Variants in CSNK1E observed in about 807,000 individuals in gnomAD.
CSNK1E encodes the protein casein kinase I isoform epsilon.
CSNK1E carries 17 observed loss-of-function variants against 46.1 expected under a neutral mutation model. The observed-to-expected ratio is 0.37, with a 90% CI of 0.25 to 0.55. The LOEUF (loss-of-function observed/expected upper bound fraction) is 0.55, where lower values mean the gene tolerates loss of function less well. Ranked by LOEUF, CSNK1E falls within the 20% of genes least tolerant of loss-of-function variation. The probability of loss-of-function intolerance (pLI) is 0.82; values close to 1 mark genes in which losing one functional copy is unlikely to be tolerated. For missense variants in CSNK1E, 386 were observed against 595.4 expected (o/e 0.65, Z 3.66); for synonymous variants, 241 against 242.6 (o/e 0.99, Z 0.06).
At chr22:38,296,853 C>T (rs1181034786) in intron 7 of CSNK1E, 6 of 764,316 alleles carry the variant, frequency 7.9e-6, no homozygotes, top group Admixed American at 2.7e-5. Context: ...CAGCTCACTC[C>T]AATCTCTGCC....
At chr22:38,316,000 A>G (rs955581760) in intron 1 of CSNK1E, among the ~76,000 whole-genome samples, 1 of 151,956 alleles carries the variant, frequency 6.6e-6, no homozygotes, top group Non-Finnish European at 1.5e-5. Context: ...GGGAGCCTAG[A>G]CTGTCCCGGC....
At chr22:38,305,550 A>G (rs1245075695) in intron 2 of CSNK1E, among the ~76,000 whole-genome samples, 2 of 152,170 alleles carry the variant, frequency 1.3e-5, no homozygotes, top group Non-Finnish European at 2.9e-5. Context: ...TATCACAGGC[A>G]AAGAGCTAAT....
chr22:38,305,081 C>T (rs889439867), intron 2 of CSNK1E, among the ~76,000 whole-genome samples: 1 of 142,794 alleles, frequency 7.0e-6, no homozygotes, highest in East Asian at 2.0e-4. Flanking sequence ...GAGATTGTGC[C>T]ATTGCACGCT....
In CSNK1E at chr22:38,309,523, C is replaced by T. The variant is rs1343593224; in HGVS notation, c.76+4559G>A. ...GGGCTGGAGTGCAGTGGCATGATCT[C>T]GGCTCACTGCAACTTCTGCCTCCCG... On this transcript the variant is annotated intron_variant, in intron 2 of 10. Coordinates refer to ENST00000396832, the MANE Select transcript of CSNK1E (RefSeq NM_152221.3). The surrounding 1 kb of genome is among the most constrained non-coding windows in gnomAD (Gnocchi z 4.8). 1.3e-5 allele frequency among the ~76,000 whole-genome samples: 2 copies of T among 151,890 alleles called. No individual in the cohort carries two copies. The highest frequency in any genetic ancestry group is 2.9e-5 in the Non-Finnish European group (2 of 67,988).
At chr22:38,315,633 G>A (rs545868486) in intron 1 of CSNK1E, among the ~76,000 whole-genome samples, 79 of 131,394 alleles carry the variant, frequency 6.0e-4, no homozygotes, top group South Asian at 2.2e-3. Flanking sequence ...CTGTTGGGGG[G>A]TAAGGGGGGG....
At position 38,300,099 on chromosome 22, in the gene CSNK1E, G is replaced by C; in HGVS notation, c.566-34C>G. On this transcript the variant is annotated intron_variant, in intron 5 of 10. Coordinates refer to ENST00000396832, the MANE Select transcript of CSNK1E (RefSeq NM_152221.3). The surrounding 1 kb of genome is among the most constrained non-coding windows in gnomAD (Gnocchi z 4.4). ...AGAGTCAAAGACTAGGTGAGGGACA[G>C]GGGTCCACTCAGGCCCCTAACTCAT... 1.2e-6 allele frequency: 2 copies of C among 1,604,524 alleles called. No individual in the cohort carries two copies. Among genetic ancestry groups the C allele is most frequent in the South Asian group, 2.2e-5 (2 of 90,716 alleles).
chr22:38,300,581 G>T lies in CSNK1E; in HGVS notation c.565+143C>A. The stretch of plus-strand genomic sequence containing the variant: ...GTGCAAGGACACGGAATAAGCACGA[G>T]CTTGGGGGCAGACGGGGTGGGGACT... On this transcript the variant is annotated intron_variant, in intron 5 of 10. Coordinates refer to ENST00000396832, the MANE Select transcript of CSNK1E (RefSeq NM_152221.3). The surrounding 1 kb of genome is among the most constrained non-coding windows in gnomAD (Gnocchi z 4.4). 1 of 776,980 alleles carries T rather than the reference G, an allele frequency of 1.3e-6. No individual in the cohort carries two copies. Among genetic ancestry groups the T allele is most frequent in the Non-Finnish European group, 2.1e-6 (1 of 483,944 alleles). The allele number at this position is 776,980 out of a possible 1,614,324, so 48.1% of individuals were successfully genotyped here. A position where few individuals can be genotyped will look rare whatever the true frequency, so the allele number is the denominator to read the frequency against.
At chr22:38,299,055 G>A in intron 6 of CSNK1E, 121 bp from the exon 7 acceptor site, 11 of 1,149,788 alleles carry the variant, frequency 9.6e-6, no homozygotes, top group Non-Finnish European at 1.3e-5. Flanking sequence ...TGAGAGGCAA[G>A]AAAAGGAGGC....
chr22:38,304,124 C>T (rs911473500), intron 2 of CSNK1E, among the ~76,000 whole-genome samples: 4 of 152,130 alleles, frequency 2.6e-5, no homozygotes, highest in African/African-American at 7.2e-5. Flanking sequence ...CTAGGCTGGG[C>T]GACAGGGTGT....
At chr22:38,311,754 C>T (rs1265174433) in intron 2 of CSNK1E, among the ~76,000 whole-genome samples, 7 of 151,898 alleles carry the variant, frequency 4.6e-5, no homozygotes, top group Admixed American at 2.0e-4. Flanking sequence ...ATGAGGAACA[C>T]GCTGGGGATC....
chr22:38,309,156 A>T lies in CSNK1E; in HGVS notation c.76+4926T>A, dbSNP rs1011317573. Among the ~76,000 whole-genome samples the T allele has an allele frequency of 1.7e-4, 26 of 152,158 alleles. No homozygotes were observed. The highest frequency in any genetic ancestry group is 1.2e-4 in the Non-Finnish European group (8 of 68,018). On this transcript the variant is annotated intron_variant, in intron 2 of 10. Transcript: ENST00000396832. This position sits in a 1 kb window ranked among gnomAD's most constrained non-coding sequence, Gnocchi z 4.8. Reference sequence around the variant, plus strand: ...CCAAAAGGTCTCCAGATCTTGACATATGTCTCCTGGGGGACAAAAATCACC... The same window carrying T: ...CCAAAAGGTCTCCAGATCTTGACATTTGTCTCCTGGGGGACAAAAATCACC...
upstream of CSNK1E, chr22:38,317,492 C>T (rs1371768084): frequency 6.7e-6 from 1 of 149,300 alleles, no homozygotes; most frequent in African/African-American, 2.5e-5. Flanking sequence ...GATGTCATCC[C>T]CGGCCCGCCG....
At chr22:38,293,760 T>G in intron 9 of CSNK1E, 1 of 389,336 alleles carries the variant, frequency 2.6e-6, no homozygotes, top group Non-Finnish European at 4.7e-6. Flanking sequence ...CTCTTGCCAA[T>G]GCTCACAGGG....
intron 2 of CSNK1E, among the ~76,000 whole-genome samples, chr22:38,308,715 G>A (rs1316192418): frequency 6.6e-6 from 1 of 152,090 alleles, no homozygotes; most frequent in African/African-American, 2.4e-5. Context: ...GAGGGGAAGA[G>A]GGAATAAGCC....
intron 2 of CSNK1E, among the ~76,000 whole-genome samples, chr22:38,305,588 GAA>G (rs2092695198): frequency 6.6e-6 from 1 of 152,096 alleles, no homozygotes; most frequent in South Asian, 2.1e-4. Flanking sequence ...AAATCAGTCA[GAA>G]AAAGACTCAG....
At chr22:38,312,837 G>A (rs980696991) in intron 2 of CSNK1E, among the ~76,000 whole-genome samples, 3 of 152,164 alleles carry the variant, frequency 2.0e-5, no homozygotes, top group African/African-American at 4.8e-5. Context: ...CGTCTAGAAC[G>A]CAGAGCTAGA....
chr22:38,299,026 C>T (rs1275740787), intron 6 of CSNK1E, 92 bp from the exon 7 acceptor site: 30 of 1,408,436 alleles, frequency 2.1e-5, no homozygotes, highest in Non-Finnish European at 2.8e-5. Flanking sequence ...ACCCACTGTC[C>T]CTAGATACTT....
rs1420421293 is a variant in CSNK1E, at chr22:38,300,511, G to A, written c.565+213C>T. On this transcript the variant is annotated intron_variant, in intron 5 of 10. Transcript: ENST00000396832. This position sits in a 1 kb window ranked among gnomAD's most constrained non-coding sequence, Gnocchi z 4.4. ...GGAGGAGGAAGCAGGGCCAGGGAAG[G>A]CGCCCGGCACACACAGCTTGGCTTA... Among the ~76,000 whole-genome samples, 3 of 152,256 alleles carry A rather than the reference G, an allele frequency of 2.0e-5. No homozygotes were observed. Among genetic ancestry groups the A allele is most frequent in the Non-Finnish European group, 2.9e-5 (2 of 68,050 alleles).
intron 2 of CSNK1E, among the ~76,000 whole-genome samples, chr22:38,308,369 G>A (rs537386319): frequency 1.3e-5 from 2 of 152,270 alleles, no homozygotes; most frequent in Admixed American, 6.5e-5. Context: ...GGGACAGTGA[G>A]GATCCTTAGA....
Sources: gnomAD v4.1 joint callset for allele counts (sites outside exome capture counted in the v4.1 genomes callset) on GRCh38, gnomAD v4.1.1 for gene constraint, Gnocchi (gnomAD v3.1) non-coding constraint, MANE v1.5 for transcripts, NCBI Gene and HGNC (gene_info 2026-07-23, HGNC 2026-07-21) for gene names.